Variants in SIPA1L1 observed in about 807,000 individuals in gnomAD.
SIPA1L1 encodes the protein signal induced proliferation associated 1 like 1, also known as signal-induced proliferation-associated 1-like protein 1.
Under a neutral mutation model 162.7 loss-of-function variants are expected in SIPA1L1, and 26 were observed. The observed-to-expected ratio is 0.16, with a 90% CI of 0.12 to 0.22. SIPA1L1 has a LOEUF of 0.22. Ranked by LOEUF, SIPA1L1 falls within the 10% of genes least tolerant of loss-of-function variation. The pLI is 1.00. For synonymous variants in SIPA1L1, 829 were observed against 837.4 expected, an observed-to-expected ratio of 0.99 and a Z score of 0.17; for missense variants, 1,874 against 2,241.0, an observed-to-expected ratio of 0.84 and a Z score of 3.31.
chr14:71,501,588 T>C (rs950510403), intron 2 of SIPA1L1, among the ~76,000 whole-genome samples: 3 of 152,200 alleles, frequency 2.0e-5, no homozygotes, highest in African/African-American at 7.2e-5. Context: ...TGAGGACTTA[T>C]GAGGGTGGCT....
At chr14:71,614,900 ATTGT>A (rs1363037641) in intron 5 of SIPA1L1, among the ~76,000 whole-genome samples, 7 of 151,976 alleles carry the variant, frequency 4.6e-5, no homozygotes, top group Admixed American at 2.0e-4. Flanking sequence ...TACTAAAATG[ATTGT>A]TTAATATTTT....
rs746248392 is a variant in SIPA1L1 at position 71,587,882 on chromosome 14, T to G, written c.10T>G (p.Leu4Val). The G allele has an allele frequency of 6.2e-7, 1 of 1,605,888 alleles. No homozygotes were observed. The highest frequency in any genetic ancestry group is 1.1e-5 in the South Asian group (1 of 90,986). ...TACTTGCTTTTACATCATGACCAGC[T>G]TGAAACGGTCACAGACAGAAAGGCC... MTS[L>V]KRSQTERPLA... The change falls in exon 5 of 24, where the codon TTG becomes GTG. Residue 4 changes from leucine to valine, a missense_variant. Around this residue, in one of 5 missense-constraint regions of SIPA1L1, gnomAD observed 685 missense variants for 828.0 expected, o/e 0.83. Transcript: ENST00000381232.
intron 7 of SIPA1L1, among the ~76,000 whole-genome samples, chr14:71,627,038 C>T (rs1039932957): frequency 2.0e-5 from 3 of 150,494 alleles, no homozygotes; most frequent in African/African-American, 7.3e-5. Context: ...ATTTCAATTC[C>T]TGAAGAAACT....
chr14:71,606,324 G>A (rs1432828401), intron 5 of SIPA1L1, among the ~76,000 whole-genome samples: 2 of 152,130 alleles, frequency 1.3e-5, no homozygotes, highest in African/African-American at 4.8e-5. Context: ...GGAGGAAGGG[G>A]GTTTGCTGCC....
chr14:71,631,767 T>C (rs952477713), intron 7 of SIPA1L1, among the ~76,000 whole-genome samples: 30 of 152,348 alleles, frequency 2.0e-4, no homozygotes, highest in African/African-American at 7.2e-4. Flanking sequence ...TTAAAACAGT[T>C]GGATTTTTGT....
At chr14:71,527,557 G>A (rs910356199) in intron 3 of SIPA1L1, among the ~76,000 whole-genome samples, 1 of 151,916 alleles carries the variant, frequency 6.6e-6, no homozygotes, top group African/African-American at 2.4e-5. Flanking sequence ...CTGTCCTTTG[G>A]TAGATATATG....
intron 22 of SIPA1L1, among the ~76,000 whole-genome samples, chr14:71,737,403 C>T (rs142101918): frequency 3.9e-5 from 6 of 152,236 alleles, no homozygotes; most frequent in Admixed American, 3.9e-4. Context: ...TGGTGTGCCC[C>T]TGAGGATGTA....
intron 2 of SIPA1L1, among the ~76,000 whole-genome samples, chr14:71,442,226 C>A (rs374232326): frequency 7.0e-6 from 1 of 142,124 alleles, no homozygotes; most frequent in Non-Finnish European, 1.5e-5. Context: ...TAAAATCTTG[C>A]GGGCTAATTA....
chr14:71,498,245 A>G (rs2049942898), intron 2 of SIPA1L1, among the ~76,000 whole-genome samples: 1 of 152,230 alleles, frequency 6.6e-6, no homozygotes, highest in South Asian at 2.1e-4. Context: ...AAGTCATTGT[A>G]TGAACTGTAA....
At chr14:71,512,025 GT>G (rs1315350684) in intron 2 of SIPA1L1, among the ~76,000 whole-genome samples, 1 of 152,186 alleles carries the variant, frequency 6.6e-6, no homozygotes, top group Admixed American at 6.5e-5. Context: ...GTTTTCTGGA[GT>G]TTTGTGAGTC....
chr14:71,685,786 G>A (rs1320057349), intron 13 of SIPA1L1, among the ~76,000 whole-genome samples, 155 bp downstream of exon 13: 5 of 152,198 alleles, frequency 3.3e-5, no homozygotes. Context: ...GCATGGTAGT[G>A]TTCCAAAGCC....
At chr14:71,705,396 G>T (rs2082366270) in intron 16 of SIPA1L1, 56 bp downstream of exon 16, 1 of 1,262,736 alleles carries the variant, frequency 7.9e-7, no homozygotes, top group African/African-American at 1.5e-5. Context: ...TACCTTCCTT[G>T]CACTATGAAA....
intron 2 of SIPA1L1, among the ~76,000 whole-genome samples, chr14:71,490,651 T>C (rs1490135536): frequency 1.3e-5 from 2 of 152,242 alleles, no homozygotes; most frequent in African/African-American, 4.8e-5. Context: ...TCTCCAAGAT[T>C]GTTGTGCCAT....
At chr14:71,674,560 GT>G (rs1166044265) in intron 12 of SIPA1L1, among the ~76,000 whole-genome samples, 28 of 130,608 alleles carry the variant, frequency 2.1e-4, no homozygotes, top group African/African-American at 7.2e-4. Flanking sequence ...TTTTTTTTTT[GT>G]TTTTTTTTGT....
chr14:71,579,239 C>T (rs2033570197), intron 4 of SIPA1L1, among the ~76,000 whole-genome samples: 1 of 152,054 alleles, frequency 6.6e-6, no homozygotes, highest in African/African-American at 2.4e-5. Flanking sequence ...ATAAAATAGA[C>T]TAATATCTTA....
At chr14:71,455,365 A>G (rs2046116247) in intron 2 of SIPA1L1, among the ~76,000 whole-genome samples, 1 of 152,014 alleles carries the variant, frequency 6.6e-6, no homozygotes, top group South Asian at 2.1e-4. Context: ...AATTATTTGG[A>G]CTAGGAGAAA....
intron 2 of SIPA1L1, among the ~76,000 whole-genome samples, chr14:71,349,945 G>A (rs1036181548): frequency 2.0e-5 from 3 of 152,126 alleles, no homozygotes; most frequent in African/African-American, 7.2e-5. Flanking sequence ...GTGGAGAATA[G>A]GACATCTTTT....
rs935287295 is a variant in SIPA1L1 at position 71,354,556 on chromosome 14, C to T, written c.-465+33375C>T. 6.6e-5 allele frequency among the ~76,000 whole-genome samples: 10 copies of T among 150,546 alleles called. No homozygotes were observed. The South Asian group carries it at 1.0e-3, about 16-fold the overall frequency. ...CCTCCCAAAGTGCTGCGATTATGGG[C>T]GTGAGCCACCGCGCCTGGCCCGATA... On this transcript the variant is annotated intron_variant, in intron 2 of 23. Transcript: ENST00000381232.
At chr14:71,374,355 C>G (rs1459114074) in intron 2 of SIPA1L1, among the ~76,000 whole-genome samples, 1 of 151,966 alleles carries the variant, frequency 6.6e-6, no homozygotes, top group Non-Finnish European at 1.5e-5. Flanking sequence ...TTTATTCCAA[C>G]TAATTTTGTC....
Sources: allele counts gnomAD v4.1 joint callset (sites outside exome capture counted in the v4.1 genomes callset), GRCh38; gene constraint gnomAD v4.1.1; regional missense constraint gnomAD v4.1.1; transcripts MANE v1.5; gene names NCBI Gene and HGNC (gene_info 2026-07-23, HGNC 2026-07-21).